WDR33: variants seen among roughly 807,000 people sequenced by gnomAD.
WDR33 encodes WD repeat domain 33.
A neutral mutation model predicts 164.9 loss-of-function variants in WDR33; 47 were observed. That is an observed-to-expected ratio of 0.29 (90% CI 0.23 to 0.36). The LOEUF (loss-of-function observed/expected upper bound fraction) is 0.36, where lower values mean the gene tolerates loss of function less well. Among genes scored for constraint, WDR33 ranks in the 10% least tolerant of loss-of-function variants. WDR33 has a pLI of 1.00. For missense variants in WDR33, 1,137 were observed against 1,754.1 expected, an observed-to-expected ratio of 0.65 and a Z score of 6.28; for synonymous variants, 505 against 589.0, an observed-to-expected ratio of 0.86 and a Z score of 2.06.
intron 1 of WDR33, among the ~76,000 whole-genome samples, chr2:127,790,066 G>A (rs527873157): frequency 2.6e-4 from 40 of 152,194 alleles, no homozygotes; most frequent in Non-Finnish European, 5.0e-4. Context: ...CCATCTCCTA[G>A]GCTCAAGAGA....
intron 7 of WDR33, among the ~76,000 whole-genome samples, chr2:127,732,243 A>G (rs929543143): frequency 2.0e-5 from 3 of 152,002 alleles, no homozygotes; most frequent in East Asian, 1.9e-4. Flanking sequence ...ACCGTTTTTT[A>G]GGGAGATGAA....
rs1280435273 is a variant in WDR33, at chr2:127,731,467, A to G, written c.725-4690T>C. On this transcript the variant is annotated intron_variant, in intron 7 of 21. Transcript: ENST00000322313. ...CATTATCTATCACAATCTTAAAGGC[A>G]TATAACCATTGATTCTATCAATCCT... Among the ~76,000 whole-genome samples, 7 of 152,342 alleles carry G rather than the reference A, an allele frequency of 4.6e-5. No individual in the cohort carries two copies. In the South Asian group the frequency reaches 1.4e-3, roughly 32 times the overall value.
chr2:127,750,463 A>G (rs574201838), intron 7 of WDR33, among the ~76,000 whole-genome samples: 1 of 151,322 alleles, frequency 6.6e-6, no homozygotes, highest in South Asian at 2.1e-4. Context: ...CCTGGGCAAC[A>G]TGGTGAAACC....
At position 127,763,213 on chromosome 2, in the gene WDR33, CTG is replaced by C; in HGVS notation, c.627-56_627-55del. ...AAGAAGTCAGCATTTAACAGATAATCTGTGCTTCTCAGACAGGGAAAAATAAA... is the reference window on the plus strand; with the variant it reads ...AAGAAGTCAGCATTTAACAGATAATCTGCTTCTCAGACAGGGAAAAATAAA... On this transcript the variant is annotated intron_variant, in intron 6 of 21. Coordinates refer to ENST00000322313, the MANE Select transcript of WDR33 (RefSeq NM_018383.5). The surrounding 1 kb of genome is among the most constrained non-coding windows in gnomAD (Gnocchi z 4.5). 2 of 1,612,612 alleles carry C rather than the reference CTG, an allele frequency of 1.2e-6. No individual in the cohort carries two copies. The highest frequency in any genetic ancestry group is 1.7e-6 in the Non-Finnish European group (2 of 1,178,998).
chr2:127,806,968 G>A (rs529913394), intron 1 of WDR33, among the ~76,000 whole-genome samples: 67 of 152,222 alleles, frequency 4.4e-4, no homozygotes, highest in African/African-American at 1.5e-3. Flanking sequence ...AAGGCATATG[G>A]GTGTTCACTG....
chr2:127,787,432 G>C (rs1312430844), intron 1 of WDR33, among the ~76,000 whole-genome samples: 2 of 134,442 alleles, frequency 1.5e-5, no homozygotes, highest in Non-Finnish European at 3.1e-5. Flanking sequence ...CAGTAGGGGT[G>C]GCCGGGCAGA....
At chr2:127,772,299 C>T (rs766058301) in intron 1 of WDR33, among the ~76,000 whole-genome samples, 5 of 152,080 alleles carry the variant, frequency 3.3e-5, no homozygotes, top group Non-Finnish European at 5.9e-5. Context: ...ATTAGCTGGG[C>T]GTGGTGGCAG....
At chr2:127,758,815 G>A (rs139294422) in intron 7 of WDR33, among the ~76,000 whole-genome samples, 2 of 152,202 alleles carry the variant, frequency 1.3e-5, no homozygotes, top group African/African-American at 2.4e-5. Context: ...ATTATCAAAC[G>A]TCTTTAACGA....
chr2:127,778,555 C>T (rs556614457), intron 1 of WDR33, among the ~76,000 whole-genome samples: 3 of 151,904 alleles, frequency 2.0e-5, no homozygotes, highest in African/African-American at 7.3e-5. Context: ...AGAGTCTGAC[C>T]GTTTCTCAGT....
intron 1 of WDR33, 105 bp from the exon 2 acceptor site, chr2:127,771,109 G>C (rs748012572): frequency 2.2e-5 from 19 of 868,956 alleles, no homozygotes; most frequent in Non-Finnish European, 3.0e-5. Flanking sequence ...CTTATCTAAC[G>C]TGCATCATTT....
intron 7 of WDR33, among the ~76,000 whole-genome samples, chr2:127,743,950 C>T (rs1385552276): frequency 6.6e-6 from 1 of 152,164 alleles, no homozygotes; most frequent in African/African-American, 2.4e-5. Context: ...TAAGAAACTA[C>T]CTCTGGGGAG....
chr2:127,774,714 C>T (rs562018440), intron 1 of WDR33, among the ~76,000 whole-genome samples: 21 of 152,098 alleles, frequency 1.4e-4, no homozygotes, highest in South Asian at 6.2e-4. Context: ...CCTGTAGTCC[C>T]GGCTACTCGG....
At chr2:127,802,220 TA>T (rs749998482) in intron 1 of WDR33, among the ~76,000 whole-genome samples, 33 of 146,494 alleles carry the variant, frequency 2.3e-4, no homozygotes, top group African/African-American at 2.7e-4. Context: ...TCACAATTTA[TA>T]AAAAAAAAAA....
chr2:127,702,292 C>G lies in WDR33; in HGVS notation c.*4031G>C, dbSNP rs1449517716. On this transcript the variant is annotated 3_prime_UTR_variant, in exon 22 of 22. Coordinates refer to ENST00000322313, the MANE Select transcript of WDR33 (RefSeq NM_018383.5). ...GGAAGCCCGTGGCGAAGGCCCTGCCCTAACAGCCTGCGAGTCTAATCCGGG... is the reference window on the plus strand; with the variant it reads ...GGAAGCCCGTGGCGAAGGCCCTGCCGTAACAGCCTGCGAGTCTAATCCGGG... The G allele has an allele frequency of 2.9e-6, 3 of 1,041,882 alleles. No individual in the cohort carries two copies. Among genetic ancestry groups the G allele is most frequent in the Admixed American group, 9.7e-5 (2 of 20,550 alleles). 64.5% of individuals were successfully genotyped at this position (1,041,882 alleles called of 1,614,324 possible). A position where few individuals can be genotyped will look rare whatever the true frequency, so the allele number is the denominator to read the frequency against.
chr2:127,765,377 C>G (rs1307723635), intron 4 of WDR33, 108 bp from the exon 5 acceptor site: 1 of 755,110 alleles, frequency 1.3e-6, no homozygotes, highest in Non-Finnish European at 2.2e-6. Context: ...AATAATGATA[C>G]TGACTTTCAC....
At chr2:127,781,389 T>A (rs1183083968) in intron 1 of WDR33, among the ~76,000 whole-genome samples, 1 of 152,182 alleles carries the variant, frequency 6.6e-6, no homozygotes, top group Admixed American at 6.6e-5. Context: ...ATCTTGATTA[T>A]GGTGGCGAAC....
Position 127,709,475 on chromosome 2 carries a change from G to A in WDR33, c.3565+15C>T, listed in dbSNP as rs371492743. ...TGCAGTCTAGAGTTACCCAACAAGCGGTTCTTTTCCTTACCAGGCTCTCTG... is the reference window on the plus strand; with the variant it reads ...TGCAGTCTAGAGTTACCCAACAAGCAGTTCTTTTCCTTACCAGGCTCTCTG... On this transcript the variant is annotated intron_variant, in intron 20 of 21. Coordinates refer to ENST00000322313, the MANE Select transcript of WDR33 (RefSeq NM_018383.5). This position sits in a 1 kb window ranked among gnomAD's most constrained non-coding sequence, Gnocchi z 5.0. The A allele has an allele frequency of 1.2e-4, 199 of 1,612,344 alleles. No homozygotes were observed. Among genetic ancestry groups the A allele is most frequent in the Non-Finnish European group, 1.6e-4 (184 of 1,178,620 alleles).
At chr2:127,742,861 A>T (rs192936467) in intron 7 of WDR33, among the ~76,000 whole-genome samples, 3,023 of 95,008 alleles carry the variant, frequency 0.032, 101 homozygotes, top group African/African-American at 0.13. Context: ...ACTCACAGTT[A>T]AAAAAAAAAA....
intron 1 of WDR33, among the ~76,000 whole-genome samples, chr2:127,788,519 G>A (rs1688703238): frequency 7.8e-6 from 1 of 128,166 alleles, no homozygotes; most frequent in Non-Finnish European, 1.7e-5. Context: ...GCCGGGTGGG[G>A]GGGCTGACCC....
Sources: gnomAD v4.1 joint callset for allele counts (sites outside exome capture counted in the v4.1 genomes callset) on GRCh38, gnomAD v4.1.1 for gene constraint, Gnocchi (gnomAD v3.1) non-coding constraint, MANE v1.5 for transcripts, NCBI Gene and HGNC (gene_info 2026-07-23, HGNC 2026-07-21) for gene names.